The following PHTF2 variants were observed in gnomAD, a reference collection of about 807,000 sequenced individuals.
PHTF2 encodes the protein putative homeodomain transcription factor 2.
PHTF2 carries 60 observed loss-of-function variants against 101.2 expected under a neutral mutation model. The ratio of observed to expected loss-of-function variants is 0.59; its 90% CI spans 0.48 to 0.73. The LOEUF is 0.73. Among genes scored for constraint, PHTF2 ranks in the 30% least tolerant of loss-of-function variants. PHTF2 has a pLI of 0.00. For synonymous variants in PHTF2, 311 were observed against 307.3 expected, an observed-to-expected ratio of 1.01 and a Z score of -0.13; for missense variants, 747 against 908.7, an observed-to-expected ratio of 0.82 and a Z score of 2.29.
intron 7 of PHTF2, 146 bp downstream of exon 6, chr7:77,902,066 A>G (rs1801443173): frequency 2.4e-6 from 1 of 420,036 alleles, no homozygotes; most frequent in Non-Finnish European, 4.2e-6. Context: ...GGTATTAAAA[A>G]TATTTGAGAA....
intron 1 of PHTF2, among the ~76,000 whole-genome samples, chr7:77,838,551 A>G (rs182430715): frequency 3.2e-4 from 49 of 152,348 alleles, no homozygotes; most frequent in African/African-American, 1.0e-3. Context: ...AAAAATAATT[A>G]TAATTGAAAA....
chr7:77,859,564 C>CTTTT (rs34014317), intron 3 of PHTF2, among the ~76,000 whole-genome samples: 2 of 131,632 alleles, frequency 1.5e-5, no homozygotes, highest in African/African-American at 2.9e-5. Context: ...TTTCTTTCTT[C>CTTTT]TTTTTTTTTT....
chr7:77,892,174 C>T (rs962669479), intron 3 of PHTF2, among the ~76,000 whole-genome samples: 6 of 152,174 alleles, frequency 3.9e-5, no homozygotes, highest in Non-Finnish European at 7.4e-5. Flanking sequence ...CCTGTAGCCC[C>T]AGCTGCTCAG....
intron 3 of PHTF2, among the ~76,000 whole-genome samples, chr7:77,872,347 G>A (rs1343086726): frequency 6.6e-6 from 1 of 152,172 alleles, no homozygotes; most frequent in Non-Finnish European, 1.5e-5. Flanking sequence ...CACAGTTTTT[G>A]ACCACTCAGA....
At chr7:77,839,538 T>C (rs966871552) in intron 1 of PHTF2, among the ~76,000 whole-genome samples, 3 of 152,232 alleles carry the variant, frequency 2.0e-5, no homozygotes, top group African/African-American at 4.8e-5. Flanking sequence ...GCTTAATTTT[T>C]TTCAATAAAA....
chr7:77,914,715 A>G (rs1802740523), intron 9 of PHTF2, among the ~76,000 whole-genome samples: 1 of 152,150 alleles, frequency 6.6e-6, no homozygotes, highest in African/African-American at 2.4e-5. Context: ...GGGATTCTCA[A>G]AATGGGAAAT....
At chr7:77,819,694 C>G (rs1283885554) in intron 1 of PHTF2, among the ~76,000 whole-genome samples, 1 of 152,116 alleles carries the variant, frequency 6.6e-6, no homozygotes, top group Non-Finnish European at 1.5e-5. Flanking sequence ...CTGCAGTTTT[C>G]TTCTTTTTGT....
intron 3 of PHTF2, among the ~76,000 whole-genome samples, chr7:77,874,451 C>T (rs1411309014): frequency 2.6e-5 from 4 of 152,068 alleles, no homozygotes; most frequent in African/African-American, 4.8e-5. Flanking sequence ...TACAAGGTCT[C>T]ACAATAGACC....
chr7:77,943,224 C>T (rs1232864101), intron 16 of PHTF2, among the ~76,000 whole-genome samples: 1 of 152,110 alleles, frequency 6.6e-6, no homozygotes, highest in African/African-American at 2.4e-5. Flanking sequence ...GGGTTCACGC[C>T]ATTCTCCTGC....
At chr7:77,915,766 T>C (rs2150893299) in intron 9 of PHTF2, among the ~76,000 whole-genome samples, 1 of 152,246 alleles carries the variant, frequency 6.6e-6, no homozygotes, top group South Asian at 2.1e-4. Context: ...GGGTGCACTG[T>C]GCATGTCCAG....
At chr7:77,815,533 T>C in intron 1 of PHTF2, among the ~76,000 whole-genome samples, 1 of 152,230 alleles carries the variant, frequency 6.6e-6, no homozygotes, top group Non-Finnish European at 1.5e-5. Context: ...ATACAAAATT[T>C]AGGAAAATAG....
chr7:77,931,373 C>T (rs1804549414), intron 12 of PHTF2, among the ~76,000 whole-genome samples: 1 of 152,092 alleles, frequency 6.6e-6, no homozygotes, highest in Non-Finnish European at 1.5e-5. Context: ...ACATACAGGA[C>T]ATAAAGAACT....
At chr7:77,893,586 A>T (rs1401816623) in intron 3 of PHTF2, 22 bp from the exon 3 acceptor site, 1 of 1,111,832 alleles carries the variant, frequency 9.0e-7, no homozygotes, top group African/African-American at 1.5e-5. Flanking sequence ...TGACCATTTA[A>T]TGTAGTGTCT....
chr7:77,812,584 C>CT (rs1269438096), intron 1 of PHTF2, among the ~76,000 whole-genome samples: 1 of 150,472 alleles, frequency 6.6e-6, no homozygotes, highest in Non-Finnish European at 1.5e-5. Context: ...ACATAATCTT[C>CT]TTTTTTTACT....
At chr7:77,937,808 A>C (rs754527057) in exon 13 of PHTF2, 16 of 1,545,112 alleles carry the variant, frequency 1.0e-5, no homozygotes, top group Middle Eastern at 3.4e-4. Flanking sequence ...ACATGTCTGT[A>C]CTTGAAATCA....
At chr7:77,920,220 CA>C in intron 9 of PHTF2, 58 bp from the exon 9 acceptor site, 1 of 853,220 alleles carries the variant, frequency 1.2e-6, no homozygotes, top group East Asian at 2.7e-5. Context: ...TAATTTCTAT[CA>C]GTAACCTATC....
At chr7:77,861,385 C>T (rs1231497515) in intron 3 of PHTF2, among the ~76,000 whole-genome samples, 2 of 152,046 alleles carry the variant, frequency 1.3e-5, no homozygotes, top group Non-Finnish European at 2.9e-5. Context: ...TTGAGGAATG[C>T]ACTATCCTAC....
intron 1 of PHTF2, among the ~76,000 whole-genome samples, chr7:77,818,308 G>A (rs1488871977): frequency 6.6e-6 from 1 of 152,038 alleles, no homozygotes; most frequent in Non-Finnish European, 1.5e-5. Context: ...ATGTTTTTGA[G>A]GACTTATTCA....
intron 2 of PHTF2, among the ~76,000 whole-genome samples, chr7:77,843,939 G>A (rs780510315): frequency 6.3e-4 from 96 of 152,106 alleles, no homozygotes; most frequent in Non-Finnish European, 1.2e-3. Flanking sequence ...TAGTATCCTT[G>A]TAAATAAAAA....
Sources: allele counts gnomAD v4.1 joint callset (sites outside exome capture counted in the v4.1 genomes callset), GRCh38; gene constraint gnomAD v4.1.1; transcripts MANE v1.5; gene names NCBI Gene and HGNC (gene_info 2026-07-23, HGNC 2026-07-21).